FOXO3: variants seen among roughly 807,000 people sequenced by gnomAD.
FOXO3 encodes the protein forkhead box O3.
Under a neutral mutation model 41.9 loss-of-function variants are expected in FOXO3, and 4 were observed. The observed-to-expected ratio is 0.10, with a 90% CI of 0.05 to 0.22. The LOEUF is 0.22. Among genes scored for constraint, FOXO3 ranks in the 10% least tolerant of loss-of-function variants. The pLI, the probability that FOXO3 is intolerant of heterozygous loss-of-function variation, is 1.00. For synonymous variants in FOXO3, 318 were observed against 389.3 expected (o/e 0.82, Z 2.16); for missense variants, 534 against 906.8 (o/e 0.59, Z 5.28).
rs534697938 is a variant in FOXO3 at position 108,594,513 on chromosome 6, G to A, written c.621+32684G>A. 1.3e-3 allele frequency among the ~76,000 whole-genome samples: 205 copies of A among 152,264 alleles called. 2 individuals are homozygous for A. The highest frequency in any genetic ancestry group is 4.6e-3 in the African/African-American group (191 of 41,546). ...GTTTTTCTAAGGTCAGAGGCATGCAGCATTTTCTTCCCTCCTTCCCTGCCT... is the reference window on the plus strand; with the variant it reads ...GTTTTTCTAAGGTCAGAGGCATGCAACATTTTCTTCCCTCCTTCCCTGCCT... On this transcript the variant is annotated intron_variant, in intron 1 of 2. Coordinates refer to ENST00000406360, the MANE Select transcript of FOXO3 (RefSeq NM_001455.4).
chr6:108,620,335 C>CT (rs745530576), intron 1 of FOXO3, among the ~76,000 whole-genome samples: 4 of 152,072 alleles, frequency 2.6e-5, no homozygotes, highest in Non-Finnish European at 5.9e-5. Flanking sequence ...CAATTTTTGT[C>CT]TATCGTTTTT....
intron 1 of FOXO3, among the ~76,000 whole-genome samples, chr6:108,641,204 C>G (rs952742590): frequency 2.6e-5 from 4 of 152,200 alleles, no homozygotes; most frequent in African/African-American, 9.6e-5. Context: ...GCCACCTTGA[C>G]TGGCTGGAAA....
chr6:108,664,632 C>G lies in FOXO3; in HGVS notation c.1799C>G (p.Pro600Arg). ...SSLYSTSANLPVMGHEKFPSD... is the reference protein window; with the variant it reads ...SSLYSTSANLRVMGHEKFPSD... ...TTGTACTCAACTAGTGCAAACCTGC[C>G]CGTCATGGGCCATGAGAAGTTCCCC... The change falls in exon 2 of 3, where the codon CCC becomes CGC. Residue 600 changes from proline (P) to arginine (R), a missense_variant. Coordinates refer to ENST00000406360, the MANE Select transcript of FOXO3 (RefSeq NM_001455.4). 1 of 994,032 alleles carries G rather than the reference C, an allele frequency of 1.0e-6. No homozygotes were observed. The highest frequency in any genetic ancestry group is 1.6e-6 in the Non-Finnish European group (1 of 630,554). 61.6% of individuals were successfully genotyped at this position (994,032 alleles called of 1,614,324 possible). A position where few individuals can be genotyped will look rare whatever the true frequency, so the allele number is the denominator to read the frequency against.
At chr6:108,575,576 A>G (rs184737124) in intron 1 of FOXO3, among the ~76,000 whole-genome samples, 80 of 152,278 alleles carry the variant, frequency 5.3e-4, no homozygotes, top group Admixed American at 5.1e-3. Context: ...TATCTTACAC[A>G]TAGCTGTTCT....
chr6:108,560,673 C>G (rs1362412664), upstream of FOXO3, among the ~76,000 whole-genome samples: 3 of 152,020 alleles, frequency 2.0e-5, no homozygotes, highest in East Asian at 3.9e-4. Context: ...AGAGCGGGCC[C>G]GAGCGAAACA....
intron 1 of FOXO3, among the ~76,000 whole-genome samples, chr6:108,600,414 G>A (rs981688435): frequency 1.3e-5 from 2 of 151,862 alleles, no homozygotes; most frequent in African/African-American, 4.8e-5. Flanking sequence ...GGGTGTGGTG[G>A]TACACTCCTG....
At chr6:108,581,766 A>C (rs1380728479) in intron 1 of FOXO3, among the ~76,000 whole-genome samples, 3 of 152,182 alleles carry the variant, frequency 2.0e-5, no homozygotes, top group Non-Finnish European at 4.4e-5. Context: ...TCTGTCTGTG[A>C]ACTAAATCTC....
chr6:108,578,181 A>G (rs953555967), intron 1 of FOXO3, among the ~76,000 whole-genome samples: 1 of 152,212 alleles, frequency 6.6e-6, no homozygotes, highest in Non-Finnish European at 1.5e-5. Context: ...GGAACTTTCA[A>G]CATCACGTAG....
At chr6:108,588,594 A>T (rs1344264905) in intron 1 of FOXO3, among the ~76,000 whole-genome samples, 2 of 152,142 alleles carry the variant, frequency 1.3e-5, no homozygotes, top group Non-Finnish European at 2.9e-5. Context: ...TATCCCCTAG[A>T]TTCCTTCTCA....
intron 1 of FOXO3, among the ~76,000 whole-genome samples, chr6:108,654,273 G>A (rs1778623543): frequency 6.6e-6 from 1 of 151,994 alleles, no homozygotes; most frequent in South Asian, 2.1e-4. Context: ...AACAGCTGTG[G>A]AAGAGCTTGA....
At chr6:108,611,856 CTAAGTTTTAGCTCT>C in intron 1 of FOXO3, among the ~76,000 whole-genome samples, 1 of 152,020 alleles carries the variant, frequency 6.6e-6, no homozygotes. Context: ...AACTAAAGAG[CTAAGTTTTAGCTCT>C]TAAATTTAAG....
intron 2 of FOXO3, among the ~76,000 whole-genome samples, chr6:108,672,818 A>G (rs1488841456): frequency 2.0e-5 from 3 of 151,890 alleles, no homozygotes; most frequent in Non-Finnish European, 4.4e-5. Flanking sequence ...CTCTGATGCA[A>G]GAAGTCTGAG....
chr6:108,578,051 T>TA lies in FOXO3; in HGVS notation c.621+16225dup, dbSNP rs761441501. The stretch of plus-strand genomic sequence containing the variant: ...CATAAGACTTGAAAACTGAGAGATA[T>TA]AAACTTACTGTTCTTTTGTGCAACC... On this transcript the variant is annotated intron_variant, in intron 1 of 2. Coordinates refer to ENST00000406360, the MANE Select transcript of FOXO3 (RefSeq NM_001455.4). Among the ~76,000 whole-genome samples the TA allele has an allele frequency of 5.9e-5, 9 of 152,312 alleles. No individual in the cohort carries two copies. In the South Asian group the frequency reaches 1.4e-3, roughly 25 times the overall value.
At chr6:108,590,539 T>C (rs943975019) in intron 1 of FOXO3, among the ~76,000 whole-genome samples, 1 of 152,198 alleles carries the variant, frequency 6.6e-6, no homozygotes, top group Non-Finnish European at 1.5e-5. Flanking sequence ...AATTTCCTGT[T>C]TAAACCTGGG....
At chr6:108,670,638 A>G (rs1390089529) in intron 2 of FOXO3, among the ~76,000 whole-genome samples, 1 of 152,172 alleles carries the variant, frequency 6.6e-6, no homozygotes. Context: ...GTGTTTCCTA[A>G]ATGTGTTTGA....
intron 1 of FOXO3, among the ~76,000 whole-genome samples, chr6:108,619,387 T>C (rs989326087): frequency 6.6e-6 from 1 of 152,240 alleles, no homozygotes; most frequent in African/African-American, 2.4e-5. Flanking sequence ...ATAATACTTA[T>C]TAAATACCAA....
At chr6:108,588,745 AG>A (rs1180875347) in intron 1 of FOXO3, among the ~76,000 whole-genome samples, 1 of 152,224 alleles carries the variant, frequency 6.6e-6, no homozygotes, top group Non-Finnish European at 1.5e-5. Flanking sequence ...CTGGAGAAAC[AG>A]AAAATACAGC....
intron 1 of FOXO3, among the ~76,000 whole-genome samples, chr6:108,565,998 C>G (rs1162538995): frequency 6.6e-6 from 1 of 152,104 alleles, no homozygotes; most frequent in Non-Finnish European, 1.5e-5. Context: ...GTCTGCTTGG[C>G]CCGTGTTGCC....
chr6:108,666,322 C>CT (rs200818995), intron 2 of FOXO3, among the ~76,000 whole-genome samples: 1,644 of 150,560 alleles, frequency 0.011, 20 homozygotes, highest in African/African-American at 0.022. Flanking sequence ...AGGTTGATTT[C>CT]TTTTTTTTTC....
Sources: allele counts gnomAD v4.1 joint callset (sites outside exome capture counted in the v4.1 genomes callset), GRCh38; gene constraint gnomAD v4.1.1; transcripts MANE v1.5; gene names NCBI Gene and HGNC (gene_info 2026-07-23, HGNC 2026-07-21).